Variants in PDE9A observed in about 807,000 individuals in gnomAD.
PDE9A encodes the protein phosphodiesterase 9A.
PDE9A carries 60 observed loss-of-function variants against 87.4 expected under a neutral mutation model. The observed-to-expected ratio is 0.69, with a 90% confidence interval of 0.56 to 0.85. The LOEUF is 0.85. Ranked by LOEUF, PDE9A falls within the 40% of genes least tolerant of loss-of-function variation. PDE9A has a pLI of 0.00. For synonymous variants in PDE9A, 272 were observed against 279.4 expected (o/e 0.97, Z 0.27); for missense variants, 665 against 779.0 (o/e 0.85, Z 1.74).
chr21:42,774,065 C>T (rs71320558), intron 19 of PDE9A, among the ~76,000 whole-genome samples: 20,047 of 151,856 alleles, frequency 0.13, 1,384 homozygotes, highest in African/African-American at 0.17. Context: ...GGTGACAGAG[C>T]GAGACTCTGT....
chr21:42,743,107 G>T lies in PDE9A; in HGVS notation c.569-669G>T, dbSNP rs2053486578. 2.0e-5 allele frequency among the ~76,000 whole-genome samples: 3 copies of T among 152,228 alleles called. No homozygotes were observed. In the South Asian group the frequency reaches 6.2e-4, roughly 31 times the overall value. On this transcript the variant is annotated intron_variant, in intron 7 of 19. Coordinates refer to ENST00000291539, the MANE Select transcript of PDE9A (RefSeq NM_002606.3). Reference sequence around the variant, plus strand: ...CCAAGGAATGAACACAGACAGCTTGGAGGTTCGAAGCAAGATGGAGCCCGC... The same window carrying T: ...CCAAGGAATGAACACAGACAGCTTGTAGGTTCGAAGCAAGATGGAGCCCGC...
At chr21:42,768,351 G>T in intron 16 of PDE9A, 59 bp downstream of exon 16, 1 of 1,205,372 alleles carries the variant, frequency 8.3e-7, no homozygotes, top group East Asian at 2.3e-5. Context: ...CACTTAGTAA[G>T]GGTTTGCGTT....
chr21:42,682,629 C>G (rs2059230178), intron 1 of PDE9A, among the ~76,000 whole-genome samples: 1 of 152,240 alleles, frequency 6.6e-6, no homozygotes, highest in Non-Finnish European at 1.5e-5. Flanking sequence ...ATGAACCCCT[C>G]TCTTCTCAAG....
At chr21:42,679,193 T>C (rs994687176) in intron 1 of PDE9A, among the ~76,000 whole-genome samples, 1 of 152,118 alleles carries the variant, frequency 6.6e-6, no homozygotes. Context: ...GCTGGCTCAG[T>C]AGGTGGAAGA....
chr21:42,711,092 T>C (rs2049296008), intron 4 of PDE9A, among the ~76,000 whole-genome samples: 1 of 152,338 alleles, frequency 6.6e-6, no homozygotes, highest in Admixed American at 6.5e-5. Context: ...ATAATTCATT[T>C]GTCAGATATA....
intron 1 of PDE9A, among the ~76,000 whole-genome samples, chr21:42,685,197 C>T (rs1232709446): frequency 6.6e-6 from 1 of 152,226 alleles, no homozygotes; most frequent in Non-Finnish European, 1.5e-5. Context: ...CCACCCTCAC[C>T]GAGCTCGAAA....
At chr21:42,685,469 T>C (rs1288007278) in intron 1 of PDE9A, among the ~76,000 whole-genome samples, 1 of 141,710 alleles carries the variant, frequency 7.1e-6, no homozygotes, top group Non-Finnish European at 1.5e-5. Context: ...AAGGCAGTCT[T>C]TTTTTTTTTT....
At chr21:42,756,619 G>A (rs79374386) in intron 10 of PDE9A, among the ~76,000 whole-genome samples, 2 of 151,828 alleles carry the variant, frequency 1.3e-5, no homozygotes, top group African/African-American at 2.4e-5. Context: ...GCTGTGGCCC[G>A]TGAGCGTGGC....
Position 42,692,476 on chromosome 21 carries a change from C to T in PDE9A, c.218+4482C>T, listed in dbSNP as rs141076621. ...CCCCTGTGCTCTGTCGCTGTCCTCT[C>T]ACCCTCCCCCAATCTTCCAACCTAG... is the stretch of plus-strand genomic sequence containing the variant. On this transcript the variant is annotated intron_variant, in intron 3 of 19. Coordinates refer to ENST00000291539, the MANE Select transcript of PDE9A (RefSeq NM_002606.3). The surrounding 1 kb of genome is among the most constrained non-coding windows in gnomAD (Gnocchi z 4.3). Among the ~76,000 whole-genome samples, 295 of 152,300 alleles carry T rather than the reference C, an allele frequency of 1.9e-3. 2 individuals carry two copies. Among genetic ancestry groups the T allele is most frequent in the African/African-American group, 6.7e-3 (279 of 41,560 alleles).
intron 18 of PDE9A, among the ~76,000 whole-genome samples, chr21:42,771,272 A>C (rs2057002471): frequency 6.6e-6 from 1 of 152,140 alleles, no homozygotes; most frequent in Admixed American, 6.5e-5. Context: ...ACACACCGGC[A>C]CCTCTCAGGG....
chr21:42,754,962 C>T (rs1459838146), intron 10 of PDE9A, among the ~76,000 whole-genome samples: 3 of 151,978 alleles, frequency 2.0e-5, no homozygotes, highest in Non-Finnish European at 4.4e-5. Context: ...AGCAAGACCT[C>T]GTCGCTACAA....
At chr21:42,682,029 G>C (rs1403607825) in intron 1 of PDE9A, among the ~76,000 whole-genome samples, 1 of 152,218 alleles carries the variant, frequency 6.6e-6, no homozygotes, top group African/African-American at 2.4e-5. Context: ...GAAGAGCGCG[G>C]CTGTCCAAGC....
chr21:42,743,583 A>T (rs752814527), intron 7 of PDE9A, among the ~76,000 whole-genome samples, 193 bp from the exon 8 acceptor site: 1 of 152,128 alleles, frequency 6.6e-6, no homozygotes, highest in Non-Finnish European at 1.5e-5. Flanking sequence ...GCGAGGATAG[A>T]GTCAGTTGTG....
intron 1 of PDE9A, among the ~76,000 whole-genome samples, chr21:42,668,573 C>T (rs71320537): frequency 0.058 from 8,761 of 152,232 alleles, 349 homozygotes; most frequent in Middle Eastern, 0.12. Flanking sequence ...TCGATTTTTG[C>T]ATTTTCAGTC....
chr21:42,761,960 C>G (rs2055824530), intron 13 of PDE9A, 123 bp from the exon 14 acceptor site: 2 of 985,470 alleles, frequency 2.0e-6, no homozygotes, highest in Non-Finnish European at 3.0e-6. Flanking sequence ...GGCAGCTCCC[C>G]CAGCCCCCAC....
chr21:42,711,709 T>C (rs2049358333), intron 4 of PDE9A, among the ~76,000 whole-genome samples: 1 of 152,212 alleles, frequency 6.6e-6, no homozygotes, highest in African/African-American at 2.4e-5. Context: ...TATGTTTTAA[T>C]CTGTCATTCA....
rs2031226333 is a variant in PDE9A, at chr21:42,759,474, A to G, written c.897+389A>G. Reference sequence around the variant, plus strand: ...GTGAGTGTGGGGTGTGGATGTGAGCATGGGGGTGTCTGCATGTGTTTGTGA... The same window carrying G: ...GTGAGTGTGGGGTGTGGATGTGAGCGTGGGGGTGTCTGCATGTGTTTGTGA... On this transcript the variant is annotated intron_variant, in intron 11 of 19. Coordinates refer to ENST00000291539, the MANE Select transcript of PDE9A (RefSeq NM_002606.3). This position sits in a 1 kb window ranked among gnomAD's most constrained non-coding sequence, Gnocchi z 7.2. 7.1e-6 allele frequency among the ~76,000 whole-genome samples: 1 copy of G among 141,834 alleles called. No homozygotes were observed. The highest frequency in any genetic ancestry group is 1.5e-5 in the Non-Finnish European group (1 of 65,124). 93.0% of individuals were successfully genotyped at this position (141,834 alleles called of 152,430 possible). A position where few individuals can be genotyped will look rare whatever the true frequency, so the allele number is the denominator to read the frequency against.
intron 10 of PDE9A, chr21:42,757,389 A>T (rs2055186869): frequency 6.6e-6 from 1 of 152,220 alleles, no homozygotes; most frequent in Non-Finnish European, 1.5e-5. Context: ...CAATGCAGTG[A>T]TCGCAAGCTT....
Position 42,704,975 on chromosome 21 carries a change from T to A in PDE9A, c.262+5964T>A, listed in dbSNP as rs1353100165. Among the ~76,000 whole-genome samples, 1 of 152,190 alleles carries A rather than the reference T, an allele frequency of 6.6e-6. No individual in the cohort carries two copies. Among genetic ancestry groups the A allele is most frequent in the African/African-American group, 2.4e-5 (1 of 41,448 alleles). ...AAGAGTATTATCAAAAACGTGACTT[T>A]TCATAGAAAAGGGAGAATAGGCCAG... On this transcript the variant is annotated intron_variant, in intron 4 of 19. Coordinates refer to ENST00000291539, the MANE Select transcript of PDE9A (RefSeq NM_002606.3). The surrounding 1 kb of genome is among the most constrained non-coding windows in gnomAD (Gnocchi z 5.3).
Sources: allele counts gnomAD v4.1 joint callset (sites outside exome capture counted in the v4.1 genomes callset), GRCh38; gene constraint gnomAD v4.1.1; non-coding constraint Gnocchi (gnomAD v3.1); transcripts MANE v1.5; gene names NCBI Gene and HGNC (gene_info 2026-07-23, HGNC 2026-07-21).